The following FAM13C variants were observed in gnomAD, a reference collection of about 807,000 sequenced individuals.
FAM13C encodes the protein family with sequence similarity 13 member C.
In FAM13C, 37 loss-of-function variants were observed where a neutral mutation model predicts 73.2. The ratio of observed to expected loss-of-function variants is 0.51; its 90% CI spans 0.39 to 0.67. The LOEUF is 0.67. FAM13C is among the 30% of genes least tolerant of loss of function. The pLI is 0.00. For synonymous variants in FAM13C, 246 were observed against 260.9 expected (o/e 0.94, Z 0.55); for missense variants, 589 against 715.6 (o/e 0.82, Z 2.02).
chr10:59,362,691 G>A (rs1856556950), upstream of FAM13C: 7 of 960,284 alleles, frequency 7.3e-6, no homozygotes, highest in South Asian at 1.9e-5. Context: ...TGGGCGGGGC[G>A]CGGCGGCGGG....
intron 4 of FAM13C, among the ~76,000 whole-genome samples, chr10:59,320,963 A>T (rs184675125): frequency 8.1e-4 from 124 of 152,360 alleles, no homozygotes; most frequent in Admixed American, 1.6e-3. Flanking sequence ...AGGTAGAAAG[A>T]CATTAGGACA....
chr10:59,346,975 C>T (rs190082618), intron 3 of FAM13C, among the ~76,000 whole-genome samples: 36 of 152,270 alleles, frequency 2.4e-4, no homozygotes, highest in African/African-American at 8.2e-4. Flanking sequence ...CTTCAGGATT[C>T]ATTATCTCAA....
intron 5 of FAM13C, among the ~76,000 whole-genome samples, chr10:59,294,050 C>T (rs1294815584): frequency 6.6e-6 from 1 of 152,134 alleles, no homozygotes; most frequent in East Asian, 1.9e-4. Context: ...AAACAAATCC[C>T]CTCCCCATCA....
At position 59,318,468 on chromosome 10, in the gene FAM13C, A is replaced by G. The variant is rs546125635; in HGVS notation, c.443+5520T>C. ...CCCATGTCTAATGTTTTAAATATCT[A>G]GAGTGTTGAGCATTTTCAATGTTAG... is the stretch of plus-strand genomic sequence containing the variant. On this transcript the variant is annotated intron_variant, in intron 4 of 13. Coordinates refer to ENST00000618804, the MANE Select transcript of FAM13C (RefSeq NM_198215.4). Among the ~76,000 whole-genome samples the G allele has an allele frequency of 9.9e-5, 15 of 152,228 alleles. No individual in the cohort carries two copies. In the East Asian group the frequency reaches 2.9e-3, roughly 29 times the overall value.
rs867208858 is a variant in FAM13C at position 59,314,529 on chromosome 10, C to A, written c.443+9459G>T. Among the ~76,000 whole-genome samples the A allele has an allele frequency of 1.6e-4, 24 of 152,290 alleles. 1 individual carries two copies. Among genetic ancestry groups the A allele is most frequent in the South Asian group, 8.3e-4 (4 of 4,818 alleles). ...CAGTATCTTGGATATTTCCTAGGCCCTTCCCAGGGGCTCTATTAATGTGTT... is the reference window on the plus strand; with the variant it reads ...CAGTATCTTGGATATTTCCTAGGCCATTCCCAGGGGCTCTATTAATGTGTT... On this transcript the variant is annotated intron_variant, in intron 4 of 13. Coordinates refer to ENST00000618804, the MANE Select transcript of FAM13C (RefSeq NM_198215.4).
At chr10:59,256,435 A>C (rs1841953119) in intron 10 of FAM13C, among the ~76,000 whole-genome samples, 1 of 152,212 alleles carries the variant, frequency 6.6e-6, no homozygotes, top group African/African-American at 2.4e-5. Context: ...AGAATGATGA[A>C]TGCCATTATA....
intron 13 of FAM13C, chr10:59,251,266 GA>G (rs1338881689): frequency 2.5e-6 from 1 of 396,786 alleles, no homozygotes; most frequent in East Asian, 3.7e-5. Context: ...AAAATCAACA[GA>G]TTTTTTTAAA....
intron 3 of FAM13C, among the ~76,000 whole-genome samples, chr10:59,332,643 C>A (rs1339428670): frequency 6.6e-6 from 1 of 152,112 alleles, no homozygotes; most frequent in Non-Finnish European, 1.5e-5. Flanking sequence ...AAAATAGGTG[C>A]CTCTGTTCCT....
chr10:59,286,979 A>G (rs1845648970), intron 5 of FAM13C, among the ~76,000 whole-genome samples: 1 of 146,512 alleles, frequency 6.8e-6, no homozygotes, highest in Non-Finnish European at 1.5e-5. Context: ...GGATGCAGTG[A>G]GCCAAGATCG....
intron 5 of FAM13C, among the ~76,000 whole-genome samples, chr10:59,299,926 T>C (rs989907919): frequency 6.6e-6 from 1 of 151,960 alleles, no homozygotes; most frequent in Admixed American, 6.6e-5. Flanking sequence ...GAATAAAAAA[T>C]GCAATTCCTA....
intron 12 of FAM13C, 119 bp downstream of exon 12, chr10:59,252,680 T>C: frequency 1.1e-6 from 1 of 898,288 alleles, no homozygotes; most frequent in Non-Finnish European, 1.8e-6. Context: ...ATAAAGGCCC[T>C]GAGAACTGTT....
chr10:59,360,672 G>C (rs1355891460), intron 1 of FAM13C, among the ~76,000 whole-genome samples: 2 of 151,874 alleles, frequency 1.3e-5, no homozygotes, highest in Admixed American at 1.3e-4. Context: ...GTTCTCAATA[G>C]GCTCCTTAGA....
intron 5 of FAM13C, among the ~76,000 whole-genome samples, chr10:59,286,063 C>A (rs1238737014): frequency 6.6e-6 from 1 of 152,162 alleles, no homozygotes; most frequent in Non-Finnish European, 1.5e-5. Context: ...TATGCACATA[C>A]AATGGAACAT....
intron 5 of FAM13C, among the ~76,000 whole-genome samples, chr10:59,286,459 G>A (rs1377203034): frequency 1.3e-5 from 2 of 148,676 alleles, no homozygotes. Flanking sequence ...GGGTTGCAGT[G>A]AGCTGAGATT....
intron 4 of FAM13C, among the ~76,000 whole-genome samples, chr10:59,314,701 TA>T (rs1214231464): frequency 6.6e-6 from 1 of 152,076 alleles, no homozygotes; most frequent in Non-Finnish European, 1.5e-5. Context: ...CACCCCCACT[TA>T]AATGGGTCTT....
intron 3 of FAM13C, among the ~76,000 whole-genome samples, chr10:59,344,834 C>A (rs1854083690): frequency 6.6e-6 from 1 of 152,124 alleles, no homozygotes; most frequent in African/African-American, 2.4e-5. Context: ...CTATTTATCT[C>A]TGGAGTTTAT....
intron 9 of FAM13C, 120 bp from the exon 10 acceptor site, chr10:59,262,765 C>T (rs1842641463): frequency 2.4e-6 from 2 of 821,512 alleles, no homozygotes; most frequent in African/African-American, 1.7e-5. Context: ...CTAATGATGG[C>T]TTTCCACAGG....
In FAM13C at chr10:59,254,323, ACAG is replaced by A. The variant is rs767281970; in HGVS notation, c.1332+22_1332+24del. The A allele has an allele frequency of 2.8e-5, 41 of 1,468,384 alleles. No homozygotes were observed. The African/African-American group carries it at 5.5e-4, about 20-fold the overall frequency. The allele number at this position is 1,468,384 out of a possible 1,614,324, so 91.0% of individuals were successfully genotyped here. On this transcript the variant is annotated intron_variant, in intron 11 of 13. Transcript: ENST00000618804. ...GTTAACTACACATCAGTACAAAGTA[ACAG>A]CATGCAAGTATCCTGACTTACAATT...
At chr10:59,303,341 T>C (rs1847822216) in intron 4 of FAM13C, among the ~76,000 whole-genome samples, 1 of 152,218 alleles carries the variant, frequency 6.6e-6, no homozygotes, top group Non-Finnish European at 1.5e-5. Flanking sequence ...ATTTTCTTCT[T>C]AGCACTTCCT....
Sources: allele counts gnomAD v4.1 joint callset (sites outside exome capture counted in the v4.1 genomes callset), GRCh38; gene constraint gnomAD v4.1.1; transcripts MANE v1.5; gene names NCBI Gene and HGNC (gene_info 2026-07-23, HGNC 2026-07-21).